Variants in LPIN2 observed in about 807,000 individuals in gnomAD.
LPIN2 encodes lipin 2.
A neutral mutation model predicts 111.4 loss-of-function variants in LPIN2; 55 were observed. The observed-to-expected ratio is 0.49, with a 90% CI of 0.40 to 0.62. The LOEUF is 0.62. Among genes scored for constraint, LPIN2 ranks in the 20% least tolerant of loss-of-function variants. The pLI is 0.00. For missense variants in LPIN2, 992 were observed against 1,112.1 expected, an observed-to-expected ratio of 0.89 and a Z score of 1.54; for synonymous variants, 425 against 414.0, an observed-to-expected ratio of 1.03 and a Z score of -0.32.
chr18:3,012,067 CATT>C (rs2078613337), intron 1 of LPIN2: 1 of 152,206 alleles, frequency 6.6e-6, no homozygotes, highest in South Asian at 2.1e-4. Flanking sequence ...ATTGTCAAAA[CATT>C]ATAATCTAGC....
chr18:2,928,525 G>T, intron 11 of LPIN2, 66 bp downstream of exon 11: 1 of 1,429,358 alleles, frequency 7.0e-7, no homozygotes, highest in South Asian at 1.1e-5. Context: ...ATGCACATAT[G>T]GATTTGTGTA....
At chr18:2,929,230 G>T in intron 9 of LPIN2, 72 bp from the exon 10 acceptor site, 1 of 969,826 alleles carries the variant, frequency 1.0e-6, no homozygotes, top group Non-Finnish European at 1.6e-6. Context: ...AATACTCTCT[G>T]CATTGCAGAA....
At chr18:2,963,974 T>C (rs1295922327) in intron 1 of LPIN2, among the ~76,000 whole-genome samples, 1 of 151,898 alleles carries the variant, frequency 6.6e-6, no homozygotes, top group Non-Finnish European at 1.5e-5. Flanking sequence ...AGAGGTGGTA[T>C]TATTTCTATT....
intron 1 of LPIN2, among the ~76,000 whole-genome samples, chr18:3,008,154 T>C (rs1198147885): frequency 6.6e-6 from 1 of 152,236 alleles, no homozygotes; most frequent in Admixed American, 6.5e-5. Context: ...TAAAAACGGA[T>C]GCTTAGGCTG....
chr18:2,932,908 A>G (rs183106406), intron 8 of LPIN2, among the ~76,000 whole-genome samples: 419 of 152,348 alleles, frequency 2.8e-3, no homozygotes, highest in Non-Finnish European at 5.1e-3. Context: ...CACAGGGGCA[A>G]GAAACAAAAT....
chr18:2,951,312 T>A lies in LPIN2; in HGVS notation c.333A>T (p.Glu111Asp), dbSNP rs768806171. ...TGTCAATATCTTTAAAGAACTGATC[T>A]TCAGTAGGAATTGGTGAGGTGGCAA... ...AYLATSPIPT[E>D]DQFFKDIDTP... The change falls in exon 4 of 20, where the codon GAA becomes GAT. Residue 111 changes from glutamate (E) to aspartate (D), a missense_variant. Around this residue, in one of 4 missense-constraint regions of LPIN2, gnomAD observed 709 missense variants for 753.2 expected, o/e 0.94. Transcript: ENST00000677752. The A allele has an allele frequency of 6.2e-7, 1 of 1,614,136 alleles. No individual in the cohort carries two copies. The highest frequency in any genetic ancestry group is 8.5e-7 in the Non-Finnish European group (1 of 1,180,022).
At chr18:2,961,270 T>C (rs2077708401) in intron 1 of LPIN2, among the ~76,000 whole-genome samples, 2 of 152,148 alleles carry the variant, frequency 1.3e-5, no homozygotes, top group Non-Finnish European at 2.9e-5. Flanking sequence ...ACAAACATCA[T>C]CCCCGGGAGA....
chr18:3,005,945 G>A (rs866235147), intron 1 of LPIN2, among the ~76,000 whole-genome samples: 84 of 152,154 alleles, frequency 5.5e-4, no homozygotes, highest in African/African-American at 1.9e-3. Flanking sequence ...CAATGCACAG[G>A]AACTGTCAGA....
chr18:2,990,844 C>T (rs1045729923), intron 1 of LPIN2: 12 of 431,306 alleles, frequency 2.8e-5, no homozygotes, highest in African/African-American at 1.2e-4. Context: ...CTCTGTTCCC[C>T]GCCGGCAGGG....
intron 1 of LPIN2, among the ~76,000 whole-genome samples, chr18:2,970,232 G>A (rs2077884444): frequency 6.6e-6 from 1 of 152,224 alleles, no homozygotes; most frequent in African/African-American, 2.4e-5. Context: ...GGTAAAAACA[G>A]GGCTCCCTGG....
intron 2 of LPIN2, among the ~76,000 whole-genome samples, chr18:2,958,171 A>AAAG (rs2077650441): frequency 6.8e-6 from 1 of 146,284 alleles, no homozygotes. Flanking sequence ...CAAAAAAAAA[A>AAAG]AACAGAAAAA....
chr18:2,958,153 A>C (rs867711212), intron 2 of LPIN2, among the ~76,000 whole-genome samples: 1,740 of 112,454 alleles, frequency 0.015, 175 homozygotes, highest in South Asian at 0.055. Flanking sequence ...AAAAAAAAAA[A>C]AAAACAACAA....
chr18:2,953,897 T>A (rs1345910851), intron 3 of LPIN2, among the ~76,000 whole-genome samples: 1 of 152,226 alleles, frequency 6.6e-6, no homozygotes, highest in African/African-American at 2.4e-5. Flanking sequence ...CGTCGTTAAC[T>A]AGCGTTCAAA....
intron 8 of LPIN2, among the ~76,000 whole-genome samples, chr18:2,932,856 G>C (rs895493482): frequency 6.6e-6 from 1 of 152,182 alleles, no homozygotes; most frequent in Admixed American, 6.5e-5. Context: ...CTGAATCCCT[G>C]TGGGCAAGGC....
Position 2,926,801 on chromosome 18 carries a change from G to A in LPIN2, c.1715C>T (p.Pro572Leu). 2.5e-6 allele frequency: 4 copies of A among 1,613,580 alleles called. No homozygotes were observed. The highest frequency in any genetic ancestry group is 3.4e-6 in the Non-Finnish European group (4 of 1,179,880). ...CTCAGATTTTCCCTCCTTGGATTCT[G>A]GCAGCTGTAACAGCAAGATGATAAT... Reference protein sequence around the residue: ...RKRESMTKQLPESKEGKSEAP... With the variant: ...RKRESMTKQLLESKEGKSEAP... The change falls in exon 13 of 20, where the codon CCA becomes CTA. Residue 572 changes from proline (P) to leucine (L), a missense_variant. By Grantham distance (98) the Pro-to-Leu change is moderately conservative. Around this residue, in one of 4 missense-constraint regions of LPIN2, gnomAD observed 709 missense variants for 753.2 expected, o/e 0.94. Transcript: ENST00000677752.
chr18:2,957,039 T>C (rs1415158752), intron 2 of LPIN2, among the ~76,000 whole-genome samples: 1 of 152,256 alleles, frequency 6.6e-6, no homozygotes, highest in Admixed American at 6.5e-5. Context: ...TATGAAATTC[T>C]AGTAAAACAG....
At chr18:2,988,814 G>C (rs1395428712) in intron 1 of LPIN2, among the ~76,000 whole-genome samples, 3 of 152,162 alleles carry the variant, frequency 2.0e-5, no homozygotes, top group Admixed American at 6.5e-5. Flanking sequence ...CATTGAAACA[G>C]AACAAGTGTG....
In LPIN2 at chr18:2,923,830, G is replaced by A. The variant is rs2144126370; in HGVS notation, c.2119C>T (p.Leu707=). 5 of 1,614,204 alleles carry A rather than the reference G, an allele frequency of 3.1e-6. No individual in the cohort carries two copies. Among genetic ancestry groups the A allele is most frequent in the South Asian group, 1.1e-5 (1 of 91,084 alleles). ...SDALGQILPQ[L]GKDWTHQGIA... Reference sequence around the variant, plus strand: ...CCCTGGTGGGTCCAGTCTTTGCCCAGCTGTGGGAGAATCTGTCCCAAAGCA... The same window carrying A: ...CCCTGGTGGGTCCAGTCTTTGCCCAACTGTGGGAGAATCTGTCCCAAAGCA... Residue 707 remains leucine, a synonymous_variant, in exon 16 of 20, where the codon CTG becomes TTG. Transcript: ENST00000677752.
intron 18 of LPIN2, 176 bp downstream of exon 18, chr18:2,921,357 G>T (rs1190612836): frequency 3.0e-6 from 2 of 656,454 alleles, no homozygotes; most frequent in Admixed American, 2.4e-5. Flanking sequence ...GCACCTGCAG[G>T]ACCTCCCCAG....
Sources: allele counts gnomAD v4.1 joint callset (sites outside exome capture counted in the v4.1 genomes callset), GRCh38; gene constraint gnomAD v4.1.1; regional missense constraint gnomAD v4.1.1; transcripts MANE v1.5; gene names NCBI Gene and HGNC (gene_info 2026-07-23, HGNC 2026-07-21).